Variants in ROBO1 observed in about 807,000 individuals in gnomAD.
ROBO1 encodes roundabout homolog 1.
In ROBO1, 149 loss-of-function variants were observed where a neutral mutation model predicts 195.9. The observed-to-expected ratio is 0.76, with a 90% CI of 0.67 to 0.87. The LOEUF (loss-of-function observed/expected upper bound fraction) is 0.87. Among genes scored for constraint, ROBO1 ranks in the 40% least tolerant of loss-of-function variants. The pLI, the probability that ROBO1 is intolerant of heterozygous loss-of-function variation, is 0.00. For synonymous variants in ROBO1, 816 were observed against 733.2 expected (o/e 1.11, Z -1.82); for missense variants, 1,933 against 2,068.3 (o/e 0.93, Z 1.27).
intron 2 of ROBO1, among the ~76,000 whole-genome samples, chr3:79,206,406 G>T (rs1476001978): frequency 2.6e-5 from 4 of 152,154 alleles, no homozygotes; most frequent in Non-Finnish European, 5.9e-5. Flanking sequence ...AAGCGAAAAA[G>T]TGAAAGTTCT....
At chr3:79,596,618 A>G (rs1485885913) in intron 1 of ROBO1, among the ~76,000 whole-genome samples, 2 of 152,110 alleles carry the variant, frequency 1.3e-5, no homozygotes, top group Non-Finnish European at 2.9e-5. Context: ...TTAGGAAAAT[A>G]AGTCATAATA....
intron 15 of ROBO1, among the ~76,000 whole-genome samples, 192 bp from the exon 16 acceptor site, chr3:78,661,453 T>C (rs754058216): frequency 6.6e-6 from 1 of 152,200 alleles, no homozygotes; most frequent in Non-Finnish European, 1.5e-5. Flanking sequence ...AGTGTGCTCA[T>C]AGAAAATCCA....
chr3:79,499,225 C>T (rs1315476926), intron 2 of ROBO1, among the ~76,000 whole-genome samples: 1 of 152,172 alleles, frequency 6.6e-6, no homozygotes, highest in Non-Finnish European at 1.5e-5. Flanking sequence ...GAACTCCCGA[C>T]CTCAGGTGAT....
At chr3:78,940,547 C>G (rs761103736) in intron 3 of ROBO1, among the ~76,000 whole-genome samples, 1 of 152,310 alleles carries the variant, frequency 6.6e-6, no homozygotes, top group Admixed American at 6.5e-5. Context: ...AAGTACCTTG[C>G]GCATCCTCCT....
intron 5 of ROBO1, among the ~76,000 whole-genome samples, chr3:78,730,339 AC>A (rs1194948482): frequency 1.5e-5 from 1 of 65,722 alleles, no homozygotes; most frequent in African/African-American, 3.0e-5. Context: ...ATTTACATTG[AC>A]TTACATTCTG....
chr3:79,611,139 G>A (rs1006673292), intron 1 of ROBO1, among the ~76,000 whole-genome samples: 2 of 152,002 alleles, frequency 1.3e-5, no homozygotes, highest in African/African-American at 4.8e-5. Flanking sequence ...TTGAGCAGAA[G>A]TTCAGGGAAG....
Position 79,736,744 on chromosome 3 carries a change from C to T in ROBO1, c.-51+31008G>A, listed in dbSNP as rs563801615. Among the ~76,000 whole-genome samples, 4 of 152,278 alleles carry T rather than the reference C, an allele frequency of 2.6e-5. No individual in the cohort carries two copies. In the East Asian group the frequency reaches 7.7e-4, roughly 29 times the overall value. ...ACTATCAAAAAGACAGACTTGAATACATTCTTGCACTGGTAACTGTCAGGG... is the reference window on the plus strand; with the variant it reads ...ACTATCAAAAAGACAGACTTGAATATATTCTTGCACTGGTAACTGTCAGGG... On this transcript the variant is annotated intron_variant, in intron 1 of 30. Transcript: ENST00000464233.
chr3:79,651,936 C>T (rs1946021366), intron 1 of ROBO1, among the ~76,000 whole-genome samples: 1 of 152,120 alleles, frequency 6.6e-6, no homozygotes, highest in Non-Finnish European at 1.5e-5. Context: ...ATCTAGGTCA[C>T]AGTACAGTTC....
chr3:79,642,649 T>C (rs1385504587), intron 1 of ROBO1, among the ~76,000 whole-genome samples: 1 of 152,036 alleles, frequency 6.6e-6, no homozygotes, highest in Non-Finnish European at 1.5e-5. Context: ...TATACAAAAA[T>C]ACTGTATCCA....
intron 4 of ROBO1, among the ~76,000 whole-genome samples, chr3:78,906,871 GAAAAA>G (rs1007612919): frequency 6.6e-5 from 10 of 150,914 alleles, no homozygotes; most frequent in Non-Finnish European, 1.3e-4. Flanking sequence ...TAAATTTTTT[GAAAAA>G]AAAGACATTG....
chr3:79,755,573 A>T (rs1166949573), intron 1 of ROBO1, among the ~76,000 whole-genome samples: 1 of 152,198 alleles, frequency 6.6e-6, no homozygotes, highest in Non-Finnish European at 1.5e-5. Context: ...TAGGATGCCA[A>T]ATTACATCTA....
chr3:78,806,640 T>C (rs1321870850), intron 4 of ROBO1, among the ~76,000 whole-genome samples: 2 of 152,156 alleles, frequency 1.3e-5, no homozygotes, highest in Non-Finnish European at 2.9e-5. Context: ...GAGAAGACCC[T>C]GAAGTATTCT....
chr3:79,756,649 T>A (rs746913849), intron 1 of ROBO1, among the ~76,000 whole-genome samples: 17 of 152,152 alleles, frequency 1.1e-4, no homozygotes, highest in Non-Finnish European at 1.9e-4. Flanking sequence ...GAAGTCTTTT[T>A]TATTGTGGTA....
intron 3 of ROBO1, among the ~76,000 whole-genome samples, chr3:78,950,384 C>A (rs1254067811): frequency 6.6e-6 from 1 of 151,406 alleles, no homozygotes; most frequent in Non-Finnish European, 1.5e-5. Context: ...AACTGGAAAC[C>A]ACCATTCTCC....
At chr3:79,103,677 T>A (rs2079720887) in intron 3 of ROBO1, among the ~76,000 whole-genome samples, 1 of 151,670 alleles carries the variant, frequency 6.6e-6, no homozygotes, top group South Asian at 2.1e-4. Flanking sequence ...TTTTATCACA[T>A]CTAAAGTCTC....
At chr3:78,970,688 A>C (rs2107908758) in intron 3 of ROBO1, among the ~76,000 whole-genome samples, 1 of 152,318 alleles carries the variant, frequency 6.6e-6, no homozygotes. Flanking sequence ...AAATCTTTGC[A>C]GAGGTAATAA....
At chr3:79,599,456 T>G (rs1944275214) in intron 1 of ROBO1, among the ~76,000 whole-genome samples, 1 of 152,052 alleles carries the variant, frequency 6.6e-6, no homozygotes, top group African/African-American at 2.4e-5. Context: ...GGCTAGACTA[T>G]GTTATCAAAA....
intron 2 of ROBO1, among the ~76,000 whole-genome samples, chr3:79,156,995 C>T (rs997890820): frequency 1.3e-5 from 2 of 151,774 alleles, no homozygotes; most frequent in African/African-American, 2.4e-5. Context: ...TCACTCTCAT[C>T]GGGTGGGGAA....
chr3:79,575,873 T>C (rs1211924386), intron 2 of ROBO1, among the ~76,000 whole-genome samples: 1 of 151,892 alleles, frequency 6.6e-6, no homozygotes, highest in Non-Finnish European at 1.5e-5. Flanking sequence ...GTCATATGTT[T>C]CCCTTGTTTG....
Sources: allele counts gnomAD v4.1 joint callset (sites outside exome capture counted in the v4.1 genomes callset), GRCh38; gene constraint gnomAD v4.1.1; transcripts MANE v1.5; gene names NCBI Gene and HGNC (gene_info 2026-07-23, HGNC 2026-07-21).